The following ZFP14 variants were observed in gnomAD, a reference collection of about 807,000 sequenced individuals.
ZFP14 encodes ZFP14 zinc finger protein.
In ZFP14, 22 loss-of-function variants were observed where a neutral mutation model predicts 54.5. The observed-to-expected ratio is 0.40, with a 90% CI of 0.29 to 0.58. ZFP14 has a LOEUF of 0.58. ZFP14 is among the 20% of genes least tolerant of loss of function. The pLI is 0.39. For missense variants in ZFP14, 470 were observed against 637.8 expected (o/e 0.74, Z 2.83); for synonymous variants, 159 against 204.0 (o/e 0.78, Z 1.88).
chr19:36,358,349 G>A (rs1016604701), intron 4 of ZFP14, among the ~76,000 whole-genome samples: 1 of 152,116 alleles, frequency 6.6e-6, no homozygotes, highest in Non-Finnish European at 1.5e-5. Context: ...GACCTCAACT[G>A]ATCTGCCTGC....
At chr19:36,368,121 C>T in intron 1 of ZFP14, 150 bp from the exon 2 acceptor site, 2 of 476,188 alleles carry the variant, frequency 4.2e-6, no homozygotes, top group Non-Finnish European at 7.5e-6. Flanking sequence ...CCACTATGCC[C>T]ATCCCTATCC....
intron 1 of ZFP14, among the ~76,000 whole-genome samples, chr19:36,370,637 C>G (rs549128704): frequency 6.6e-6 from 1 of 152,354 alleles, no homozygotes; most frequent in South Asian, 2.1e-4. Flanking sequence ...CCAGAGTGGC[C>G]CTGGGCTTGG....
intron 4 of ZFP14, among the ~76,000 whole-genome samples, chr19:36,349,685 A>ATC: frequency 6.9e-6 from 1 of 145,324 alleles, no homozygotes; most frequent in Admixed American, 6.9e-5. Context: ...AAAAAAATAT[A>ATC]TATATATATA....
At chr19:36,366,557 T>A (rs2031798158) in intron 2 of ZFP14, among the ~76,000 whole-genome samples, 1 of 152,250 alleles carries the variant, frequency 6.6e-6, no homozygotes, top group South Asian at 2.1e-4. Flanking sequence ...GCTTAAGCGA[T>A]CTGCCCACCT....
At position 36,358,085 on chromosome 19, in the gene ZFP14, TATCTATC is replaced by T. The variant is rs1327334379; in HGVS notation, c.235+2343_235+2349del. ...CTATCTATCTATCTATCTATCTATC[TATCTATC>T]ATCTATCTATCTATCTATCTATCTA... On this transcript the variant is annotated intron_variant, in intron 4 of 4. Coordinates refer to ENST00000270001, the MANE Select transcript of ZFP14 (RefSeq NM_020917.3). Among the ~76,000 whole-genome samples the T allele has an allele frequency of 6.5e-4, 94 of 143,654 alleles. 1 individual carries two copies. In the East Asian group the frequency reaches 0.017, roughly 26 times the overall value. The allele number at this position is 143,654 out of a possible 152,430, so 94.2% of individuals were successfully genotyped here.
chr19:36,348,115 T>G (rs1191818278), intron 4 of ZFP14, among the ~76,000 whole-genome samples: 2 of 152,190 alleles, frequency 1.3e-5, no homozygotes, highest in Non-Finnish European at 2.9e-5. Flanking sequence ...CTAATGGCTT[T>G]CTTTGGTCAC....
Position 36,340,610 on chromosome 19 carries a change from T to C in ZFP14, c.1216A>G (p.Ser406Gly), listed in dbSNP as rs775631746. Residue 406 changes from serine to glycine, a missense_variant, in exon 5 of 5, where the codon AGT (serine) becomes GGT (glycine). Physicochemically the swap from Ser to Gly is moderately conservative, Grantham distance 56. Transcript: ENST00000270001. The surrounding 1 kb of genome is among the most constrained non-coding windows in gnomAD (Gnocchi z 5.4). ...YECMECWKTF[S>G]SYSQLISHQS... Reference sequence around the variant, plus strand: ...TGTGAAATAAGCTGTGAGTAACTACTAAAGGTCTTCCAACATTCCATACAT... The same window carrying C: ...TGTGAAATAAGCTGTGAGTAACTACCAAAGGTCTTCCAACATTCCATACAT... 8.1e-6 allele frequency: 13 copies of C among 1,614,092 alleles called. No individual in the cohort carries two copies. The highest frequency in any genetic ancestry group is 1.1e-5 in the Non-Finnish European group (13 of 1,179,998).
intron 4 of ZFP14, among the ~76,000 whole-genome samples, chr19:36,358,065 TATCTATCTATCTATCTATCTATCTATC>T (rs994944043): frequency 1.6e-4 from 23 of 146,368 alleles, no homozygotes; most frequent in African/African-American, 5.6e-4. Flanking sequence ...TCTATCTATC[TATCTATCTATCTATCTATCTATCTATC>T]ATCTATCTAT....
chr19:36,353,009 G>C (rs984517974), intron 4 of ZFP14, among the ~76,000 whole-genome samples: 2 of 141,342 alleles, frequency 1.4e-5, no homozygotes, highest in African/African-American at 5.2e-5. Flanking sequence ...AGGAGGCTGA[G>C]GTGGGAGGAT....
chr19:36,373,964 A>G (rs1422276968), intron 1 of ZFP14, among the ~76,000 whole-genome samples: 1 of 151,994 alleles, frequency 6.6e-6, no homozygotes, highest in Non-Finnish European at 1.5e-5. Context: ...AAAAAATGAA[A>G]GAAAAAAGAA....
rs1055181430 is a variant in ZFP14 at position 36,339,550 on chromosome 19, C to G, written c.*674G>C. 6.6e-6 allele frequency: 1 copy of G among 152,188 alleles called. No homozygotes were observed. Among genetic ancestry groups the G allele is most frequent in the African/African-American group, 2.4e-5 (1 of 41,438 alleles). 9.4% of individuals were successfully genotyped at this position (152,188 alleles called of 1,614,324 possible). A position where few individuals can be genotyped will look rare whatever the true frequency, so the allele number is the denominator to read the frequency against. On this transcript the variant is annotated 3_prime_UTR_variant, in exon 5 of 5. Transcript: ENST00000270001. ...CTGTCCTCCCTTTTGGCTTGCATGC[C>G]TTGATGAAGCAAGCAGCCATGTTGA... is the stretch of plus-strand genomic sequence containing the variant.
chr19:36,343,841 C>T (rs1050573780), intron 4 of ZFP14, among the ~76,000 whole-genome samples: 4 of 152,048 alleles, frequency 2.6e-5, no homozygotes, highest in Admixed American at 1.3e-4. Flanking sequence ...TTGCTTCTTA[C>T]GAAGCCATGT....
chr19:36,342,645 TA>T (rs1399518263), intron 4 of ZFP14, among the ~76,000 whole-genome samples: 1 of 151,922 alleles, frequency 6.6e-6, no homozygotes, highest in African/African-American at 2.4e-5. Flanking sequence ...TACATGAAAA[TA>T]AAGCCCAGAG....
In ZFP14 at chr19:36,351,400, G is replaced by A. The variant is rs188966463; in HGVS notation, c.235+9035C>T. 2.6e-3 allele frequency among the ~76,000 whole-genome samples: 364 copies of A among 142,284 alleles called. 41 individuals are homozygous for A. The highest frequency in any genetic ancestry group is 4.7e-4 in the Non-Finnish European group (30 of 64,200). The allele number at this position is 142,284 out of a possible 152,430, so 93.3% of individuals were successfully genotyped here. Reference sequence around the variant, plus strand: ...TGTAGTCCCAGCTACTCTAGAGGCCGAGGTGGGAGAATTGCTTGAACCCAG... The same window carrying A: ...TGTAGTCCCAGCTACTCTAGAGGCCAAGGTGGGAGAATTGCTTGAACCCAG... On this transcript the variant is annotated intron_variant, in intron 4 of 4. Transcript: ENST00000270001.
intron 1 of ZFP14, among the ~76,000 whole-genome samples, chr19:36,377,767 G>A (rs1600089023): frequency 6.6e-6 from 1 of 151,756 alleles, no homozygotes; most frequent in African/African-American, 2.4e-5. Flanking sequence ...AATCCTGCTT[G>A]AACCCGGGAG....
chr19:36,342,147 G>A (rs1318936996), intron 4 of ZFP14, among the ~76,000 whole-genome samples: 5 of 147,864 alleles, frequency 3.4e-5, no homozygotes, highest in African/African-American at 7.5e-5. Flanking sequence ...GAGCCACTGC[G>A]CCCGGCGAGG....
chr19:36,367,478 G>A (rs551892027), intron 2 of ZFP14, among the ~76,000 whole-genome samples: 2 of 152,146 alleles, frequency 1.3e-5, no homozygotes, highest in Non-Finnish European at 2.9e-5. Context: ...GAAAAGAACT[G>A]GAGTAGGTTC....
intron 4 of ZFP14, among the ~76,000 whole-genome samples, chr19:36,348,523 G>GTC (rs2145544929): frequency 6.6e-6 from 1 of 152,164 alleles, no homozygotes; most frequent in African/African-American, 2.4e-5. Context: ...TGGAGATGAA[G>GTC]TCTCACTCTG....
In ZFP14 at chr19:36,336,908, T is replaced by G. The variant is rs1271362946; in HGVS notation, c.*3316A>C. 6.6e-6 allele frequency: 1 copy of G among 152,216 alleles called. No homozygotes were observed. The highest frequency in any genetic ancestry group is 1.9e-4 in the East Asian group (1 of 5,194). The allele number at this position is 152,216 out of a possible 1,614,324, so 9.4% of individuals were successfully genotyped here. On this transcript the variant is annotated 3_prime_UTR_variant, in exon 5 of 5. Transcript: ENST00000270001. The stretch of plus-strand genomic sequence containing the variant: ...GTCTCCATGAACAAAACACTCCACT[T>G]AAATTATCAACATGTTGCCAATTTA...
Sources: allele counts gnomAD v4.1 joint callset (sites outside exome capture counted in the v4.1 genomes callset), GRCh38; gene constraint gnomAD v4.1.1; non-coding constraint Gnocchi (gnomAD v3.1); transcripts MANE v1.5; gene names NCBI Gene and HGNC (gene_info 2026-07-23, HGNC 2026-07-21).